Variants in THSD7A observed in about 807,000 individuals in gnomAD.
The protein encoded by THSD7A is thrombospondin type-1 domain-containing protein 7A.
A neutral mutation model predicts 231.3 loss-of-function variants in THSD7A; 96 were observed. That is an observed-to-expected ratio of 0.41 (90% CI 0.35 to 0.49). THSD7A has a LOEUF of 0.49. Among genes scored for constraint, THSD7A ranks in the 20% least tolerant of loss-of-function variants. The pLI, the probability that THSD7A is intolerant of heterozygous loss-of-function variation, is 0.05. For missense variants in THSD7A, 2,290 were observed against 2,070.2 expected, an observed-to-expected ratio of 1.11 and a Z score of -2.06; for synonymous variants, 940 against 743.3, an observed-to-expected ratio of 1.26 and a Z score of -4.30.
chr7:11,509,631 G>C (rs554451083), intron 6 of THSD7A, among the ~76,000 whole-genome samples: 275 of 151,250 alleles, frequency 1.8e-3, no homozygotes, highest in African/African-American at 6.1e-3. Flanking sequence ...AGGAGATCGA[G>C]ACCACGGTGA....
At chr7:11,541,729 G>A in intron 5 of THSD7A, 98 bp from the exon 6 acceptor site, 1 of 1,111,176 alleles carries the variant, frequency 9.0e-7, no homozygotes, top group Non-Finnish European at 1.3e-6. Flanking sequence ...GATAAGAGTG[G>A]AGGTAGAAGT....
At chr7:11,707,183 C>A (rs569268374) in intron 1 of THSD7A, among the ~76,000 whole-genome samples, 1 of 150,948 alleles carries the variant, frequency 6.6e-6, no homozygotes, top group Non-Finnish European at 1.5e-5. Context: ...GAATTCTCTT[C>A]TTTAGCCATA....
At chr7:11,635,070 T>C (rs997941385) in intron 2 of THSD7A, among the ~76,000 whole-genome samples, 2 of 152,216 alleles carry the variant, frequency 1.3e-5, no homozygotes, top group African/African-American at 4.8e-5. Flanking sequence ...AAATGTGGTC[T>C]GTTACAAGAT....
At chr7:11,688,219 C>T (rs1780120908) in intron 1 of THSD7A, among the ~76,000 whole-genome samples, 1 of 151,744 alleles carries the variant, frequency 6.6e-6, no homozygotes, top group Admixed American at 6.6e-5. Flanking sequence ...AACCACGTCC[C>T]TACAAAGGAC....
intron 6 of THSD7A, among the ~76,000 whole-genome samples, chr7:11,527,135 C>A (rs895346619): frequency 6.6e-6 from 1 of 151,978 alleles, no homozygotes; most frequent in African/African-American, 2.4e-5. Context: ...GTTGTGTATC[C>A]TAGAGAAGTC....
intron 4 of THSD7A, among the ~76,000 whole-genome samples, chr7:11,589,560 T>C (rs1239958936): frequency 6.6e-6 from 1 of 152,214 alleles, no homozygotes; most frequent in Non-Finnish European, 1.5e-5. Context: ...GTCTACATGC[T>C]CTCCTGATGA....
intron 2 of THSD7A, among the ~76,000 whole-genome samples, chr7:11,595,845 A>G (rs572436161): frequency 6.6e-6 from 1 of 152,360 alleles, no homozygotes; most frequent in African/African-American, 2.4e-5. Flanking sequence ...TCAACCATCA[A>G]AGGCAAGGCG....
chr7:11,429,158 C>A, intron 13 of THSD7A, 33 bp from the exon 14 acceptor site: 1 of 1,528,158 alleles, frequency 6.5e-7, no homozygotes, highest in Non-Finnish European at 8.8e-7. Flanking sequence ...AGAATCATCT[C>A]CTCCACCTGT....
At chr7:11,396,289 G>T (rs1441924574) in intron 23 of THSD7A, among the ~76,000 whole-genome samples, 1 of 151,936 alleles carries the variant, frequency 6.6e-6, no homozygotes, top group African/African-American at 2.4e-5. Flanking sequence ...AAATAACTAA[G>T]AGCAGAGCTG....
chr7:11,576,533 C>A (rs1329271928), intron 4 of THSD7A, among the ~76,000 whole-genome samples: 2 of 152,146 alleles, frequency 1.3e-5, no homozygotes, highest in Non-Finnish European at 2.9e-5. Context: ...GGATTTGATT[C>A]TGATAATGTC....
intron 1 of THSD7A, among the ~76,000 whole-genome samples, chr7:11,657,491 T>C (rs1208524938): frequency 6.6e-6 from 1 of 151,772 alleles, no homozygotes; most frequent in Non-Finnish European, 1.5e-5. Flanking sequence ...TTGACTAATA[T>C]ACTCTTCAAT....
chr7:11,666,829 A>G (rs574624770), intron 1 of THSD7A, among the ~76,000 whole-genome samples: 21 of 152,048 alleles, frequency 1.4e-4, no homozygotes, highest in Non-Finnish European at 2.1e-4. Flanking sequence ...TCAGATCATA[A>G]TTTAGCTAAA....
intron 2 of THSD7A, among the ~76,000 whole-genome samples, chr7:11,598,077 G>A (rs1233012882): frequency 6.6e-6 from 1 of 152,228 alleles, no homozygotes; most frequent in Admixed American, 6.5e-5. Flanking sequence ...GGACAGCAGT[G>A]AAGGGAAATC....
chr7:11,721,822 C>T (rs1781363592), intron 1 of THSD7A, among the ~76,000 whole-genome samples: 1 of 151,864 alleles, frequency 6.6e-6, no homozygotes, highest in Non-Finnish European at 1.5e-5. Flanking sequence ...ATCTAAAATT[C>T]ATATAGTATT....
rs1427007896 is a variant in THSD7A, at chr7:11,643,102, G to A, written c.191-6141C>T. ...ATTATGAGAACTACTTTTTGTGCTT[G>A]TTTGCTATAAAACTCTCAAATGAGC... On this transcript the variant is annotated intron_variant, in intron 1 of 27. Coordinates refer to ENST00000423059, the MANE Select transcript of THSD7A (RefSeq NM_015204.3). Among the ~76,000 whole-genome samples, 9 of 152,102 alleles carry A rather than the reference G, an allele frequency of 5.9e-5. No individual in the cohort carries two copies. The East Asian group carries it at 1.7e-3, about 29-fold the overall frequency.
chr7:11,817,368 T>C (rs1413413496), intron 1 of THSD7A, among the ~76,000 whole-genome samples: 1 of 152,196 alleles, frequency 6.6e-6, no homozygotes, highest in African/African-American at 2.4e-5. Flanking sequence ...GGCTAAGATA[T>C]GCACAATCAC....
At chr7:11,753,100 C>T (rs918766651) in intron 1 of THSD7A, among the ~76,000 whole-genome samples, 1 of 152,094 alleles carries the variant, frequency 6.6e-6, no homozygotes, top group South Asian at 2.1e-4. Context: ...AGAAACCAAA[C>T]ATGGCTTTAT....
At chr7:11,556,146 CCT>C (rs1789834263) in intron 4 of THSD7A, among the ~76,000 whole-genome samples, 1 of 151,014 alleles carries the variant, frequency 6.6e-6, no homozygotes, top group African/African-American at 2.4e-5. Context: ...TTTCATTTTC[CCT>C]GTCTTCCTGT....
chr7:11,507,296 T>C lies in THSD7A; in HGVS notation c.1823-25314A>G, dbSNP rs551311567. Among the ~76,000 whole-genome samples the C allele has an allele frequency of 3.9e-5, 6 of 152,280 alleles. No homozygotes were observed. In the South Asian group the frequency reaches 1.0e-3, roughly 26 times the overall value. Reference sequence around the variant, plus strand: ...GGGTGAGTTCATGTTAAATTTCTAATATAAAGCCTTATATTATGTAGATAT... The same window carrying C: ...GGGTGAGTTCATGTTAAATTTCTAACATAAAGCCTTATATTATGTAGATAT... On this transcript the variant is annotated intron_variant, in intron 6 of 27. Coordinates refer to ENST00000423059, the MANE Select transcript of THSD7A (RefSeq NM_015204.3).
Sources: gnomAD v4.1 joint callset for allele counts (sites outside exome capture counted in the v4.1 genomes callset) on GRCh38, gnomAD v4.1.1 for gene constraint, MANE v1.5 for transcripts, NCBI Gene and HGNC (gene_info 2026-07-23, HGNC 2026-07-21) for gene names.